CIRSR: variants seen among roughly 807,000 people sequenced by gnomAD.
The protein encoded by CIRSR is CBF1 (RBPJ) interacting corepressor 1.
chr2:174,380,894 T>C, the CIRSR span: 27 of 1,072,296 alleles, frequency 2.5e-5, no homozygotes, highest in Non-Finnish European at 3.2e-5. Context: ...CTGTATACAC[T>C]ATGATATCAT....
At chr2:174,388,673 TG>T in the CIRSR span, among the ~76,000 whole-genome samples, 1 of 152,184 alleles carries the variant, frequency 6.6e-6, no homozygotes, top group African/African-American at 2.4e-5. Flanking sequence ...CTTATATAAA[TG>T]GTAACATATT....
chr2:174,363,305 C>T, the CIRSR span, among the ~76,000 whole-genome samples: 1 of 152,150 alleles, frequency 6.6e-6, no homozygotes, highest in South Asian at 2.1e-4. Flanking sequence ...CTGCAAGGCT[C>T]AGACCCTTAA....
the CIRSR span, chr2:174,395,631 T>C: frequency 1.2e-6 from 2 of 1,614,156 alleles, no homozygotes; most frequent in Non-Finnish European, 1.7e-6. Context: ...ATCTTGGAAC[T>C]GGAACTAGGG....
At chr2:174,375,179 T>A in the CIRSR span, among the ~76,000 whole-genome samples, 1 of 152,226 alleles carries the variant, frequency 6.6e-6, no homozygotes, top group Non-Finnish European at 1.5e-5. Context: ...ATCTGCCTTA[T>A]CACTTTTTTA....
At chr2:174,388,935 T>C in the CIRSR span, among the ~76,000 whole-genome samples, 1 of 152,196 alleles carries the variant, frequency 6.6e-6, no homozygotes, top group Non-Finnish European at 1.5e-5. Context: ...TTTTCCTCTT[T>C]TGCTCAGCAC....
At chr2:174,350,794 G>C in the CIRSR span, 21 of 1,300,176 alleles carry the variant, frequency 1.6e-5, no homozygotes, top group Non-Finnish European at 2.1e-5. Context: ...ACACAAGGTA[G>C]TTAGTAGATA....
chr2:174,362,543 C>T, the CIRSR span, among the ~76,000 whole-genome samples: 8 of 151,370 alleles, frequency 5.3e-5, no homozygotes, highest in South Asian at 4.2e-4. Context: ...ATTAGCCAGG[C>T]GTGGTGATGG....
chr2:174,355,475 A>G, the CIRSR span, among the ~76,000 whole-genome samples: 3 of 152,192 alleles, frequency 2.0e-5, no homozygotes, highest in Non-Finnish European at 2.9e-5. Flanking sequence ...CACTTAGAAA[A>G]GCAGGTCCAC....
At chr2:174,391,792 G>T in the CIRSR span, among the ~76,000 whole-genome samples, 1 of 152,046 alleles carries the variant, frequency 6.6e-6, no homozygotes. Flanking sequence ...CAATAAAAAG[G>T]AAAAAGTACC....
At chr2:174,370,014 T>C in the CIRSR span, 1 of 1,365,230 alleles carries the variant, frequency 7.3e-7, no homozygotes. Flanking sequence ...TAACACAGCA[T>C]CTGCAAAGGG....
the CIRSR span, among the ~76,000 whole-genome samples, chr2:174,354,502 T>TTA: frequency 1.5e-5 from 1 of 67,256 alleles, no homozygotes; most frequent in Non-Finnish European, 2.6e-5. Context: ...ATAAATTATA[T>TTA]TATATATATC....
chr2:174,390,395 A>C, the CIRSR span, among the ~76,000 whole-genome samples: 5 of 152,200 alleles, frequency 3.3e-5, 1 homozygote, highest in South Asian at 1.0e-3. Flanking sequence ...AAATTGTCCC[A>C]TTGGGGATGG....
the CIRSR span, among the ~76,000 whole-genome samples, chr2:174,381,013 G>A: frequency 6.6e-6 from 1 of 151,954 alleles, no homozygotes; most frequent in African/African-American, 2.4e-5. Context: ...AAATTAATAA[G>A]TATGTTAATT....
At chr2:174,353,167 G>A in the CIRSR span, among the ~76,000 whole-genome samples, 1 of 152,122 alleles carries the variant, frequency 6.6e-6, no homozygotes, top group Non-Finnish European at 1.5e-5. Flanking sequence ...GGGAAAAACT[G>A]TCTATTATTG....
the CIRSR span, among the ~76,000 whole-genome samples, chr2:174,357,249 A>G: frequency 6.6e-6 from 1 of 152,158 alleles, no homozygotes; most frequent in African/African-American, 2.4e-5. Flanking sequence ...TCTAGCTCTT[A>G]TATTTCCTAT....
At chr2:174,371,422 G>T in the CIRSR span, among the ~76,000 whole-genome samples, 1 of 152,152 alleles carries the variant, frequency 6.6e-6, no homozygotes, top group Non-Finnish European at 1.5e-5. Flanking sequence ...AAGGGCTATA[G>T]AATATAGATA....
the CIRSR span, among the ~76,000 whole-genome samples, chr2:174,352,813 T>C: frequency 6.6e-6 from 1 of 152,178 alleles, no homozygotes; most frequent in Non-Finnish European, 1.5e-5. Flanking sequence ...TAGGGAAGAA[T>C]GAGACAGTTA....
chr2:174,361,651 GAGA>G, the CIRSR span, among the ~76,000 whole-genome samples: 400 of 152,240 alleles, frequency 2.6e-3, 2 homozygotes, highest in African/African-American at 9.5e-3. Context: ...ATTAGGCAAG[GAGA>G]AGAACACTGA....
chr2:174,381,687 C>A, the CIRSR span: 15 of 1,554,626 alleles, frequency 9.6e-6, no homozygotes, highest in African/African-American at 5.6e-5. Flanking sequence ...AAAAAAGAAA[C>A]GGAAGAAGAT....
Sources: allele counts gnomAD v4.1 joint callset (sites outside exome capture counted in the v4.1 genomes callset), GRCh38; gene constraint gnomAD v4.1.1; transcripts MANE v1.5; gene names NCBI Gene and HGNC (gene_info 2026-07-23, HGNC 2026-07-21).